ASB4: variants seen among roughly 807,000 people sequenced by gnomAD.
ASB4 encodes ankyrin repeat and SOCS box protein 4.
ASB4 carries 35 observed loss-of-function variants against 38.6 expected under a neutral mutation model. That is an observed-to-expected ratio of 0.91 (90% CI 0.69 to 1.20). ASB4 has a LOEUF of 1.20. Among genes scored for constraint, ASB4 ranks in the 50% most tolerant of loss-of-function variants. ASB4 has a pLI of 0.00. For missense variants in ASB4, 557 were observed against 527.2 expected (o/e 1.06, Z -0.55); for synonymous variants, 195 against 201.3 (o/e 0.97, Z 0.26).
In ASB4 at chr7:95,536,493, T is replaced by C; in HGVS notation, c.1035T>C (p.Tyr345=). The C allele has an allele frequency of 1.2e-6, 2 of 1,613,536 alleles. No individual in the cohort carries two copies. The highest frequency in any genetic ancestry group is 1.7e-6 in the Non-Finnish European group (2 of 1,179,532). ...PKAIEVVVNA[Y]EHIRWNTKWR... ...CAATTGAAGTTGTAGTCAATGCCTA[T>C]GAACACATCAGATGGAACACAAAGT... Residue 345 remains tyrosine (Y), a synonymous_variant, in exon 4 of 5, where the codon TAT becomes TAC. Transcript: ENST00000325885.
chr7:95,507,710 G>A lies in ASB4; in HGVS notation c.487+11653G>A, dbSNP rs554498334. On this transcript the variant is annotated intron_variant, in intron 2 of 4. Transcript: ENST00000325885. ...ACAAGTTCTAGCACTAGGGAAAAGAGTGCAGTTGAACCAGAGCAATTTCAT... is the reference window on the plus strand; with the variant it reads ...ACAAGTTCTAGCACTAGGGAAAAGAATGCAGTTGAACCAGAGCAATTTCAT... Among the ~76,000 whole-genome samples the A allele has an allele frequency of 2.0e-5, 3 of 152,292 alleles. No homozygotes were observed. The South Asian group carries it at 6.2e-4, about 32-fold the overall frequency.
At chr7:95,527,467 T>C (rs1790754539) in intron 2 of ASB4, among the ~76,000 whole-genome samples, 1 of 152,238 alleles carries the variant, frequency 6.6e-6, no homozygotes, top group Non-Finnish European at 1.5e-5. Flanking sequence ...AATATCATTG[T>C]TATGTTGATT....
chr7:95,487,860 T>C (rs917587318), intron 1 of ASB4, among the ~76,000 whole-genome samples: 1 of 152,160 alleles, frequency 6.6e-6, no homozygotes, highest in Non-Finnish European at 1.5e-5. Flanking sequence ...GCCAAGTGGA[T>C]GCTTGCACAG....
At chr7:95,551,312 T>C in the ASB4 span, among the ~76,000 whole-genome samples, 1 of 152,230 alleles carries the variant, frequency 6.6e-6, no homozygotes. Context: ...AAATGAGTTA[T>C]TCACATATCC....
In ASB4 at chr7:95,515,456, G is replaced by A. The variant is rs974078365; in HGVS notation, c.488-12357G>A. ...TTTTAAGACAGAGTCTCATTCTGTCGCTAGGTTGGAGTGCAGTGATGTGAT... is the reference window on the plus strand; with the variant it reads ...TTTTAAGACAGAGTCTCATTCTGTCACTAGGTTGGAGTGCAGTGATGTGAT... On this transcript the variant is annotated intron_variant, in intron 2 of 4. Coordinates refer to ENST00000325885, the MANE Select transcript of ASB4 (RefSeq NM_016116.3). 3.2e-4 allele frequency among the ~76,000 whole-genome samples: 40 copies of A among 126,508 alleles called. 1 individual carries two copies. The highest frequency in any genetic ancestry group is 1.5e-3 in the Admixed American group (16 of 10,458). The allele number at this position is 126,508 out of a possible 152,430, so 83.0% of individuals were successfully genotyped here.
chr7:95,547,358 T>G, the ASB4 span, among the ~76,000 whole-genome samples: 1 of 152,362 alleles, frequency 6.6e-6, no homozygotes, highest in Non-Finnish European at 1.5e-5. Flanking sequence ...TTAGGTTTAC[T>G]TGGTTTTGAA....
At chr7:95,515,328 C>T (rs13229930) in intron 2 of ASB4, among the ~76,000 whole-genome samples, 48 of 118,636 alleles carry the variant, frequency 4.0e-4, no homozygotes, top group African/African-American at 1.0e-3. Flanking sequence ...TTCCTTCCTT[C>T]CTTCCTTTCT....
intron 2 of ASB4, among the ~76,000 whole-genome samples, chr7:95,516,671 C>T (rs1205881962): frequency 6.6e-6 from 1 of 152,154 alleles, no homozygotes. Context: ...GAAGAAGAAA[C>T]TTGTCATGAG....
At chr7:95,520,466 T>C (rs768634678) in intron 2 of ASB4, among the ~76,000 whole-genome samples, 2 of 152,226 alleles carry the variant, frequency 1.3e-5, no homozygotes, top group African/African-American at 2.4e-5. Context: ...TGGCTAAAAA[T>C]GTGCCCATCA....
chr7:95,495,284 A>G (rs1268557570), intron 1 of ASB4, among the ~76,000 whole-genome samples: 1 of 152,200 alleles, frequency 6.6e-6, no homozygotes, highest in African/African-American at 2.4e-5. Flanking sequence ...GACAACAACT[A>G]TAGGAAAAAA....
chr7:95,531,098 A>T (rs571886043), intron 3 of ASB4, among the ~76,000 whole-genome samples: 12 of 152,220 alleles, frequency 7.9e-5, no homozygotes, highest in Non-Finnish European at 8.8e-5. Flanking sequence ...TCCTACTCAT[A>T]GCACATCACA....
the ASB4 span, among the ~76,000 whole-genome samples, chr7:95,547,844 G>A: frequency 0.032 from 4,921 of 152,262 alleles, 161 homozygotes; most frequent in African/African-American, 0.078. Flanking sequence ...TCAGATTCAT[G>A]ACTGAAACAT....
chr7:95,488,558 C>A (rs997370146), intron 1 of ASB4, among the ~76,000 whole-genome samples: 4 of 152,280 alleles, frequency 2.6e-5, no homozygotes, highest in African/African-American at 9.6e-5. Flanking sequence ...TTAGTTAGTT[C>A]TTTTCTAAAT....
intron 2 of ASB4, among the ~76,000 whole-genome samples, chr7:95,511,735 T>C (rs969618596): frequency 6.6e-6 from 1 of 152,136 alleles, no homozygotes; most frequent in African/African-American, 2.4e-5. Flanking sequence ...TGGCACTTTG[T>C]CTATGCTTTC....
chr7:95,472,446 G>A, the ASB4 span, among the ~76,000 whole-genome samples: 18 of 152,218 alleles, frequency 1.2e-4, no homozygotes, highest in East Asian at 3.1e-3. Flanking sequence ...GGAATTCTGG[G>A]CAATTTGTAC....
At chr7:95,493,817 A>G (rs1790208332) in intron 1 of ASB4, among the ~76,000 whole-genome samples, 1 of 152,052 alleles carries the variant, frequency 6.6e-6, no homozygotes. Flanking sequence ...ATTCAGTAAT[A>G]TATCTTGAGA....
At chr7:95,525,539 T>C (rs991573422) in intron 2 of ASB4, among the ~76,000 whole-genome samples, 1 of 152,102 alleles carries the variant, frequency 6.6e-6, no homozygotes, top group Non-Finnish European at 1.5e-5. Flanking sequence ...GCATATCTAG[T>C]TGCACCAACA....
At position 95,536,524 on chromosome 7, in the gene ASB4, A is replaced by T. The variant is rs748097345; in HGVS notation, c.1066A>T (p.Arg356Ter). 5.6e-5 allele frequency: 90 copies of T among 1,608,364 alleles called. No homozygotes were observed. The highest frequency in any genetic ancestry group is 7.3e-5 in the Non-Finnish European group (86 of 1,175,142). The stretch of plus-strand genomic sequence containing the variant: ...CATCAGATGGAACACAAAGTGGAGA[A>T]GAGCTATCCCCGATGATGACTTGGA... ...EHIRWNTKWR[R>*]AIPDDDLEKY... Residue 356 changes from arginine (R) to a stop codon, truncating the protein, a stop_gained, in exon 4 of 5, where the codon AGA (arginine) becomes TGA (stop). Coordinates refer to ENST00000325885, the MANE Select transcript of ASB4 (RefSeq NM_016116.3). LOFTEE classifies it high-confidence loss of function.
chr7:95,481,578 T>C (rs183554893), upstream of ASB4, among the ~76,000 whole-genome samples: 232 of 152,324 alleles, frequency 1.5e-3, no homozygotes, highest in African/African-American at 5.5e-3. Context: ...TTCTTCCCTA[T>C]GGTTGCATTT....
Sources: allele counts gnomAD v4.1 joint callset (sites outside exome capture counted in the v4.1 genomes callset), GRCh38; gene constraint gnomAD v4.1.1; transcripts MANE v1.5; gene names NCBI Gene and HGNC (gene_info 2026-07-23, HGNC 2026-07-21).